The following DGKG variants were observed in gnomAD, a reference collection of about 807,000 sequenced individuals.
DGKG encodes diacylglycerol kinase gamma.
DGKG carries 78 observed loss-of-function variants against 105.3 expected under a neutral mutation model. The observed-to-expected ratio is 0.74, with a 90% confidence interval of 0.62 to 0.89. DGKG has a LOEUF of 0.89. DGKG is among the 40% of genes least tolerant of loss of function. The probability of loss-of-function intolerance (pLI) is 0.00; values close to 1 mark genes in which losing one functional copy is unlikely to be tolerated. For missense variants in DGKG, 958 were observed against 1,020.1 expected (o/e 0.94, Z 0.83); for synonymous variants, 346 against 367.1 (o/e 0.94, Z 0.66).
At chr3:186,177,459 G>A (rs1717138806) in intron 22 of DGKG, among the ~76,000 whole-genome samples, 1 of 152,184 alleles carries the variant, frequency 6.6e-6, no homozygotes, top group South Asian at 2.1e-4. Context: ...GCATGGTGCT[G>A]GGCAGCTGGG....
Position 186,211,805 on chromosome 3 carries a change from A to G in DGKG, c.1907T>C (p.Ile636Thr), listed in dbSNP as rs751965324. The change falls in exon 21 of 25, where the codon ATT (isoleucine) becomes ACT (threonine). Residue 636 changes from isoleucine to threonine, a missense_variant. Transcript: ENST00000265022. Reference protein sequence around the residue: ...AATCKKLHDHIELECDGVGVD... With the variant: ...AATCKKLHDHTELECDGVGVD... ...CACTTGGGAACTTACCTCCAACTCA[A>G]TGTGGTCGTGGAGTTTCTTGCAGGT... The G allele has an allele frequency of 4.3e-6, 7 of 1,613,824 alleles. No individual in the cohort carries two copies. Among genetic ancestry groups the G allele is most frequent in the Non-Finnish European group, 4.2e-6 (5 of 1,179,806 alleles).
chr3:186,292,614 T>C (rs1006178765), intron 5 of DGKG, among the ~76,000 whole-genome samples: 4 of 152,096 alleles, frequency 2.6e-5, no homozygotes, highest in African/African-American at 9.7e-5. Flanking sequence ...GCCAACATGG[T>C]GAAACACTGT....
intron 9 of DGKG, 96 bp downstream of exon 9, chr3:186,279,755 G>A (rs1171016287): frequency 2.0e-6 from 3 of 1,479,272 alleles, no homozygotes; most frequent in African/African-American, 2.8e-5. Context: ...CTGTTGGGCA[G>A]TCTGGAGCAG....
chr3:186,268,319 G>T (rs1283786251), intron 12 of DGKG, among the ~76,000 whole-genome samples: 1 of 152,236 alleles, frequency 6.6e-6, no homozygotes, highest in African/African-American at 2.4e-5. Context: ...TGGGTGTCTA[G>T]TGGGGCTGTG....
intron 1 of DGKG, among the ~76,000 whole-genome samples, chr3:186,334,845 C>T (rs1230867713): frequency 6.6e-6 from 1 of 152,026 alleles, no homozygotes; most frequent in Non-Finnish European, 1.5e-5. Context: ...AGTTAACGGG[C>T]ATTGGCTTGT....
At chr3:186,312,300 TTC>T (rs1724593744) in intron 2 of DGKG, among the ~76,000 whole-genome samples, 1 of 152,182 alleles carries the variant, frequency 6.6e-6, no homozygotes, top group South Asian at 2.1e-4. Context: ...TTCCTCAAAG[TTC>T]TCTATGAGCT....
At chr3:186,195,238 C>T (rs1718121798) in intron 21 of DGKG, among the ~76,000 whole-genome samples, 1 of 151,710 alleles carries the variant, frequency 6.6e-6, no homozygotes, top group Non-Finnish European at 1.5e-5. Flanking sequence ...AACTCTACCC[C>T]AGTTCACTTT....
At chr3:186,325,539 G>A (rs1046991490) in intron 1 of DGKG, among the ~76,000 whole-genome samples, 6 of 152,030 alleles carry the variant, frequency 3.9e-5, no homozygotes, top group African/African-American at 7.2e-5. Flanking sequence ...TAGTTTTAGC[G>A]TCCACTAATG....
rs2108463686 is a variant in DGKG at position 186,148,642 on chromosome 3, G to A, written c.*1448C>T. The A allele has an allele frequency of 2.0e-6, 2 of 985,304 alleles. No homozygotes were observed. Among genetic ancestry groups the A allele is most frequent in the Non-Finnish European group, 2.4e-6 (2 of 829,896 alleles). The allele number at this position is 985,304 out of a possible 1,614,324, so 61.0% of individuals were successfully genotyped here. On this transcript the variant is annotated 3_prime_UTR_variant, in exon 25 of 25. Coordinates refer to ENST00000265022, the MANE Select transcript of DGKG (RefSeq NM_001346.3). The stretch of plus-strand genomic sequence containing the variant: ...CGGCACCTACTCTCAAGCTGCATTA[G>A]CCAAGACACCATGGAAAAGTCTCTG...
In DGKG at chr3:186,147,544, G is replaced by T; in HGVS notation, c.*2546C>A. ...TTACTAAGGTTACCAAACTGGAAGT[G>T]CAATTCCACTGAAGTTGTTATACTC... On this transcript the variant is annotated 3_prime_UTR_variant, in exon 25 of 25. Transcript: ENST00000265022. 1 of 985,382 alleles carries T rather than the reference G, an allele frequency of 1.0e-6. No individual in the cohort carries two copies. Among genetic ancestry groups the T allele is most frequent in the South Asian group, 4.7e-5 (1 of 21,274 alleles). 61.0% of individuals were successfully genotyped at this position (985,382 alleles called of 1,614,324 possible). A position where few individuals can be genotyped will look rare whatever the true frequency, so the allele number is the denominator to read the frequency against.
Position 186,272,260 on chromosome 3 carries a change from C to T in DGKG, c.994G>A (p.Gly332Ser). 1 of 1,613,040 alleles carries T rather than the reference C, an allele frequency of 6.2e-7. No individual in the cohort carries two copies. Among genetic ancestry groups the T allele is most frequent in the South Asian group, 1.1e-5 (1 of 91,042 alleles). The change falls in exon 11 of 25, where the codon GGT becomes AGT. Residue 332 changes from glycine (G) to serine (S), a missense_variant. Coordinates refer to ENST00000265022, the MANE Select transcript of DGKG (RefSeq NM_001346.3). Reference protein sequence around the residue: ...VKTYSKAKRSGEVMQHAWVEG... With the variant: ...VKTYSKAKRSSEVMQHAWVEG... Reference sequence around the variant, plus strand: ...AGGCAGTAGATGTCACCAACCTCACCACTCCTTTTGGCTTTTGAGTACGTT... The same window carrying T: ...AGGCAGTAGATGTCACCAACCTCACTACTCCTTTTGGCTTTTGAGTACGTT...
At chr3:186,357,506 T>C (rs757039285) in intron 1 of DGKG, among the ~76,000 whole-genome samples, 2 of 152,216 alleles carry the variant, frequency 1.3e-5, no homozygotes, top group African/African-American at 2.4e-5. Context: ...TTTGTGACCA[T>C]AGGCAAATTA....
At chr3:186,248,976 GT>G (rs972147983) in intron 19 of DGKG, among the ~76,000 whole-genome samples, 1 of 152,074 alleles carries the variant, frequency 6.6e-6, no homozygotes, top group Non-Finnish European at 1.5e-5. Flanking sequence ...AGACATATGA[GT>G]TTTTTTTAAC....
At chr3:186,206,316 G>A (rs185910146) in intron 21 of DGKG, among the ~76,000 whole-genome samples, 237 of 152,098 alleles carry the variant, frequency 1.6e-3, no homozygotes, top group Middle Eastern at 3.4e-3. Context: ...CCTGGGAGGC[G>A]GAGGTTGCAG....
chr3:186,302,460 CTATATA>C (rs58937810), intron 3 of DGKG, among the ~76,000 whole-genome samples: 1,101 of 48,110 alleles, frequency 0.023, 8 homozygotes, highest in East Asian at 0.071. Context: ...GGGAAATGTG[CTATATA>C]TATATATATA....
intron 20 of DGKG, among the ~76,000 whole-genome samples, chr3:186,213,929 G>C (rs1364264976): frequency 1.3e-5 from 2 of 152,194 alleles, no homozygotes; most frequent in Non-Finnish European, 2.9e-5. Context: ...AAAAGACTAA[G>C]TAACAGGAAA....
At position 186,317,272 on chromosome 3, in the gene DGKG, C is replaced by T. The variant is rs74946672; in HGVS notation, c.67+3121G>A. Among the ~76,000 whole-genome samples the T allele has an allele frequency of 9.3e-3, 1,410 of 152,302 alleles. 29 individuals are homozygous for T. The highest frequency in any genetic ancestry group is 0.033 in the African/African-American group (1,360 of 41,556). ...ATCCTGATAGAGGCATACCTTAAGC[C>T]TCATTCTCCAGCCTCTTCTTTTCTT... is the stretch of plus-strand genomic sequence containing the variant. On this transcript the variant is annotated intron_variant, in intron 2 of 24. Transcript: ENST00000265022.
intron 1 of DGKG, among the ~76,000 whole-genome samples, chr3:186,333,177 G>A (rs1325958085): frequency 1.3e-5 from 2 of 152,176 alleles, no homozygotes; most frequent in Non-Finnish European, 2.9e-5. Flanking sequence ...GGCTTTGAAA[G>A]CGTGGTCCTC....
intron 19 of DGKG, among the ~76,000 whole-genome samples, chr3:186,249,495 T>C (rs60972738): frequency 0.11 from 16,242 of 152,208 alleles, 1,755 homozygotes; most frequent in African/African-American, 0.28. Context: ...AAGGTATTAT[T>C]ATTTTTAGTC....
Sources: allele counts gnomAD v4.1 joint callset (sites outside exome capture counted in the v4.1 genomes callset), GRCh38; gene constraint gnomAD v4.1.1; transcripts MANE v1.5; gene names NCBI Gene and HGNC (gene_info 2026-07-23, HGNC 2026-07-21).